The following CTDSPL2 variants were observed in gnomAD, a reference collection of about 807,000 sequenced individuals.
The protein encoded by CTDSPL2 is CTD small phosphatase like 2.
In CTDSPL2, 5 loss-of-function variants were observed where a neutral mutation model predicts 60.0. That is an observed-to-expected ratio of 0.08 (90% confidence interval 0.04 to 0.18). CTDSPL2 has a LOEUF of 0.18. CTDSPL2 is among the 10% of genes least tolerant of loss of function. The probability of loss-of-function intolerance (pLI) is 1.00; values close to 1 mark genes in which losing one functional copy is unlikely to be tolerated. For missense variants in CTDSPL2, 370 were observed against 548.8 expected, an observed-to-expected ratio of 0.67 and a Z score of 3.26; for synonymous variants, 186 against 189.3, an observed-to-expected ratio of 0.98 and a Z score of 0.14.
At chr15:44,483,383 C>A (rs1457996101) in intron 2 of CTDSPL2, among the ~76,000 whole-genome samples, 1 of 151,022 alleles carries the variant, frequency 6.6e-6, no homozygotes, top group Non-Finnish European at 1.5e-5. Context: ...ACTAAAAATA[C>A]AAAAATTAGC....
At chr15:44,513,392 A>C (rs1451360504) in intron 8 of CTDSPL2, among the ~76,000 whole-genome samples, 1 of 151,140 alleles carries the variant, frequency 6.6e-6, no homozygotes, top group Admixed American at 6.6e-5. Context: ...ACTTGAACCC[A>C]GGAGGCGGAG....
intron 5 of CTDSPL2, among the ~76,000 whole-genome samples, chr15:44,495,208 G>T (rs2081278201): frequency 6.6e-6 from 1 of 152,116 alleles, no homozygotes; most frequent in African/African-American, 2.4e-5. Context: ...GACCTCAGGT[G>T]ATCCGCCTGC....
rs1194586717 is a variant in CTDSPL2 at position 44,525,648 on chromosome 15, A to G, written c.*1474A>G. 2.5e-6 allele frequency: 1 copy of G among 395,438 alleles called. No homozygotes were observed. Among genetic ancestry groups the G allele is most frequent in the Non-Finnish European group, 4.5e-6 (1 of 224,118 alleles). The allele number at this position is 395,438 out of a possible 1,614,324, so 24.5% of individuals were successfully genotyped here. ...TGAGGAGTATGTCAATTAATTTTTT[A>G]TGTATATTACCTGTTTACTTGTACA... On this transcript the variant is annotated 3_prime_UTR_variant, in exon 13 of 13. Coordinates refer to ENST00000260327, the MANE Select transcript of CTDSPL2 (RefSeq NM_016396.3).
intron 2 of CTDSPL2, among the ~76,000 whole-genome samples, chr15:44,472,417 T>C (rs540971190): frequency 1.3e-5 from 2 of 152,354 alleles, no homozygotes; most frequent in East Asian, 3.9e-4. Context: ...AGTTTTGATT[T>C]GCATTTCCCT....
At chr15:44,450,589 ATTTTTTTTTTTT>A (rs36016079) in intron 1 of CTDSPL2, among the ~76,000 whole-genome samples, 4 of 88,698 alleles carry the variant, frequency 4.5e-5, no homozygotes, top group East Asian at 3.1e-4. Context: ...TATATTCTTA[ATTTTTTTTTTTT>A]TTTTTTTTTT....
intron 1 of CTDSPL2, among the ~76,000 whole-genome samples, chr15:44,435,876 GGATTACAGGTGT>G (rs2079971398): frequency 6.6e-6 from 1 of 152,002 alleles, no homozygotes; most frequent in Admixed American, 6.6e-5. Flanking sequence ...CAAAGTGCTG[GGATTACAGGTGT>G]GAGCCATCGC....
chr15:44,485,188 T>G (rs1402981812), intron 3 of CTDSPL2, among the ~76,000 whole-genome samples: 2 of 152,232 alleles, frequency 1.3e-5, no homozygotes, highest in Non-Finnish European at 2.9e-5. Context: ...CATCCTACAA[T>G]ACACAGGACA....
intron 1 of CTDSPL2, among the ~76,000 whole-genome samples, chr15:44,451,002 T>C (rs1188114954): frequency 1.3e-5 from 2 of 152,220 alleles, no homozygotes; most frequent in African/African-American, 4.8e-5. Context: ...AAAATACTTA[T>C]ACATGTTAAA....
chr15:44,526,854 C>T lies in CTDSPL2; in HGVS notation c.*2680C>T, dbSNP rs920224905. The T allele has an allele frequency of 4.6e-5, 7 of 152,504 alleles. No individual in the cohort carries two copies. The highest frequency in any genetic ancestry group is 1.7e-4 in the African/African-American group (7 of 41,432). 9.4% of individuals were successfully genotyped at this position (152,504 alleles called of 1,614,324 possible). A position where few individuals can be genotyped will look rare whatever the true frequency, so the allele number is the denominator to read the frequency against. On this transcript the variant is annotated 3_prime_UTR_variant, in exon 13 of 13. Coordinates refer to ENST00000260327, the MANE Select transcript of CTDSPL2 (RefSeq NM_016396.3). ...TAGTAAATGCAGGAGAGGTGGATAC[C>T]TGATGAGACACAGCGAAAGTGACCT...
intron 2 of CTDSPL2, among the ~76,000 whole-genome samples, chr15:44,473,577 G>C (rs1354290394): frequency 6.6e-6 from 1 of 151,952 alleles, no homozygotes; most frequent in African/African-American, 2.4e-5. Flanking sequence ...TTACAGGCGT[G>C]AACCACTGCG....
At chr15:44,490,161 G>T (rs1040606811) in intron 4 of CTDSPL2, among the ~76,000 whole-genome samples, 1 of 152,094 alleles carries the variant, frequency 6.6e-6, no homozygotes, top group Non-Finnish European at 1.5e-5. Context: ...TTGAGACAGG[G>T]TCTTGCTCTG....
chr15:44,486,764 T>TG, intron 4 of CTDSPL2, 64 bp downstream of exon 4: 1 of 1,238,164 alleles, frequency 8.1e-7, no homozygotes, highest in South Asian at 1.5e-5. Context: ...TTGGGTTTTT[T>TG]TTTTTTTTTT....
chr15:44,465,853 A>T lies in CTDSPL2; in HGVS notation c.186+6653A>T, dbSNP rs185620954. ...CTCAGCTTCCTGAGTAACTGGGATT[A>T]CAGGCATGTGCCACCATGCCTGGCT... On this transcript the variant is annotated intron_variant, in intron 2 of 12. Transcript: ENST00000260327. Among the ~76,000 whole-genome samples the T allele has an allele frequency of 4.0e-3, 606 of 151,208 alleles. 14 individuals are homozygous for T. Among genetic ancestry groups the T allele is most frequent in the East Asian group, 0.038 (195 of 5,146 alleles).
chr15:44,519,659 ATTTTC>A, intron 11 of CTDSPL2: 1 of 161,168 alleles, frequency 6.2e-6, no homozygotes, highest in East Asian at 1.8e-4. Context: ...GTTCTGAAAT[ATTTTC>A]TTAGACTATT....
At chr15:44,431,525 G>A (rs1285953218) in intron 1 of CTDSPL2, among the ~76,000 whole-genome samples, 3 of 152,100 alleles carry the variant, frequency 2.0e-5, no homozygotes, top group Middle Eastern at 3.2e-3. Flanking sequence ...TATCTCTCCA[G>A]TGTTTTTCTA....
intron 2 of CTDSPL2, among the ~76,000 whole-genome samples, chr15:44,481,868 C>A (rs925339298): frequency 6.6e-6 from 1 of 152,146 alleles, no homozygotes; most frequent in Admixed American, 6.6e-5. Flanking sequence ...CCACAGCGCC[C>A]GGCCTATTTT....
At chr15:44,458,159 TG>T (rs1394913152) in intron 1 of CTDSPL2, among the ~76,000 whole-genome samples, 6 of 152,238 alleles carry the variant, frequency 3.9e-5, no homozygotes, top group Admixed American at 1.3e-4. Flanking sequence ...AAGGTAAATA[TG>T]TTTTTTTATA....
At position 44,458,749 on chromosome 15, in the gene CTDSPL2, A is replaced by T. The variant is rs181003397; in HGVS notation, c.-24-242A>T. Among the ~76,000 whole-genome samples the T allele has an allele frequency of 2.6e-5, 4 of 152,322 alleles. 1 individual carries two copies. The highest frequency in any genetic ancestry group is 9.6e-5 in the African/African-American group (4 of 41,578). On this transcript the variant is annotated intron_variant, in intron 1 of 12. Transcript: ENST00000260327. ...CTTGGTGTTACCCTTACTTTAGATC[A>T]TAGGATATATTATAATATTTCAGAG...
intron 2 of CTDSPL2, among the ~76,000 whole-genome samples, chr15:44,476,210 A>G (rs895289155): frequency 6.6e-6 from 1 of 151,872 alleles, no homozygotes; most frequent in Non-Finnish European, 1.5e-5. Context: ...CTGGGACTAC[A>G]GGCGCCCACC....
Sources: allele counts gnomAD v4.1 joint callset (sites outside exome capture counted in the v4.1 genomes callset), GRCh38; gene constraint gnomAD v4.1.1; transcripts MANE v1.5; gene names NCBI Gene and HGNC (gene_info 2026-07-23, HGNC 2026-07-21).